Variants in ARSK observed in about 807,000 individuals in gnomAD.
ARSK encodes the protein arylsulfatase family member K, also known as arylsulfatase K.
In ARSK, 37 loss-of-function variants were observed where a neutral mutation model predicts 53.2. The ratio of observed to expected loss-of-function variants is 0.70; its 90% CI spans 0.54 to 0.92. The LOEUF (loss-of-function observed/expected upper bound fraction) is 0.92, where lower values mean the gene tolerates loss of function less well. Ranked by LOEUF, ARSK falls within the 40% of genes least tolerant of loss-of-function variation. The probability of loss-of-function intolerance (pLI) is 0.00; values close to 1 mark genes in which losing one functional copy is unlikely to be tolerated. For synonymous variants in ARSK, 208 were observed against 223.2 expected, an observed-to-expected ratio of 0.93 and a Z score of 0.61; for missense variants, 613 against 643.0, an observed-to-expected ratio of 0.95 and a Z score of 0.51.
At chr5:95,569,587 C>T (rs1748788500) in intron 3 of ARSK, among the ~76,000 whole-genome samples, 1 of 152,136 alleles carries the variant, frequency 6.6e-6, no homozygotes, top group South Asian at 2.1e-4. Flanking sequence ...CCAGGAGTCA[C>T]CATAAGTTAG....
chr5:95,561,698 A>G, intron 1 of ARSK, among the ~76,000 whole-genome samples: 1 of 152,224 alleles, frequency 6.6e-6, no homozygotes, highest in Non-Finnish European at 1.5e-5. Flanking sequence ...AAAAGCAAAC[A>G]TAGAGCCGGA....
At chr5:95,585,870 G>A (rs570698529) in intron 4 of ARSK, among the ~76,000 whole-genome samples, 3 of 152,210 alleles carry the variant, frequency 2.0e-5, no homozygotes, top group Admixed American at 2.0e-4. Context: ...CTATTTTAAA[G>A]AAAATAATGC....
At chr5:95,562,296 T>C (rs1010347609) in intron 1 of ARSK, among the ~76,000 whole-genome samples, 1 of 152,216 alleles carries the variant, frequency 6.6e-6, no homozygotes, top group African/African-American at 2.4e-5. Context: ...AGGCATCTTC[T>C]GCATCCCCAC....
chr5:95,580,942 G>A (rs1419084463), intron 3 of ARSK: 1 of 1,285,524 alleles, frequency 7.8e-7, no homozygotes, highest in Middle Eastern at 2.3e-4. Context: ...GTTTGAGAAA[G>A]GTAAAAATAC....
Position 95,595,671 on chromosome 5 carries a change from G to A in ARSK, c.1096+4046G>A, listed in dbSNP as rs111528367. Among the ~76,000 whole-genome samples, 1,474 of 152,104 alleles carry A rather than the reference G, an allele frequency of 9.7e-3. 31 individuals carry two copies. The highest frequency in any genetic ancestry group is 0.01 in the Non-Finnish European group (694 of 67,978). On this transcript the variant is annotated intron_variant, in intron 6 of 7. Transcript: ENST00000380009. ...AAGAAACACTGGGGACTACTAGAAG[G>A]GAGAGGGAGGGAGGGAGGGGGCCAG...
At chr5:95,559,488 A>G (rs1439227927) in intron 1 of ARSK, among the ~76,000 whole-genome samples, 1 of 152,220 alleles carries the variant, frequency 6.6e-6, no homozygotes, top group East Asian at 1.9e-4. Flanking sequence ...AGGAAACCAA[A>G]TTCATTAGTA....
intron 5 of ARSK, among the ~76,000 whole-genome samples, chr5:95,590,981 C>A (rs560699521): frequency 2.6e-4 from 39 of 152,318 alleles, no homozygotes; most frequent in African/African-American, 9.4e-4. Context: ...CTGCTCTTAT[C>A]ACTTCCTGTT....
intron 7 of ARSK, among the ~76,000 whole-genome samples, chr5:95,602,085 T>C (rs1348055921): frequency 1.3e-5 from 2 of 152,162 alleles, no homozygotes; most frequent in African/African-American, 4.8e-5. Context: ...TCATTTTACC[T>C]GAACCAGCAT....
chr5:95,593,324 A>G (rs1040893982), intron 6 of ARSK, among the ~76,000 whole-genome samples: 6 of 152,182 alleles, frequency 3.9e-5, no homozygotes, highest in Admixed American at 6.5e-5. Flanking sequence ...GTATATTTCA[A>G]AGTGATAGTT....
At chr5:95,582,264 TAAAG>T (rs1171017416) in intron 3 of ARSK, among the ~76,000 whole-genome samples, 2 of 152,062 alleles carry the variant, frequency 1.3e-5, no homozygotes, top group African/African-American at 4.8e-5. Flanking sequence ...TCAGATAAAA[TAAAG>T]ATTTAGAGAA....
Position 95,600,883 on chromosome 5 carries a change from G to A in ARSK, c.1133G>A (p.Gly378Glu), listed in dbSNP as rs1040802422. The change falls in exon 7 of 8, where the codon GGA (glycine) becomes GAA (glutamate). Residue 378 changes from glycine to glutamate, a missense_variant. Physicochemically the swap from Gly to Glu is moderately conservative, Grantham distance 98. Coordinates refer to ENST00000380009, the MANE Select transcript of ARSK (RefSeq NM_198150.3). Reference sequence around the variant, plus strand: ...ATTCCTCTGCCTCAGAACCTGAGTGGATACTCTTTGTTGCCGTTATCATCA... The same window carrying A: ...ATTCCTCTGCCTCAGAACCTGAGTGAATACTCTTTGTTGCCGTTATCATCA... ...AGIPLPQNLSGYSLLPLSSET... is the reference protein window; with the variant it reads ...AGIPLPQNLSEYSLLPLSSET... 2 of 1,613,892 alleles carry A rather than the reference G, an allele frequency of 1.2e-6. No homozygotes were observed. Among genetic ancestry groups the A allele is most frequent in the Non-Finnish European group, 1.7e-6 (2 of 1,179,934 alleles).
chr5:95,573,303 T>C (rs1748866853), intron 3 of ARSK, among the ~76,000 whole-genome samples: 1 of 152,202 alleles, frequency 6.6e-6, no homozygotes, highest in African/African-American at 2.4e-5. Flanking sequence ...GTAATTGATT[T>C]TATACGGAAA....
intron 2 of ARSK, among the ~76,000 whole-genome samples, chr5:95,566,550 AT>A (rs1411540016): frequency 4.6e-5 from 7 of 152,034 alleles, no homozygotes. Context: ...ATTTACCTGA[AT>A]TTTTTCTTAT....
intron 1 of ARSK, among the ~76,000 whole-genome samples, chr5:95,558,816 C>T (rs1263938968): frequency 1.3e-5 from 2 of 152,126 alleles, no homozygotes; most frequent in Non-Finnish European, 2.9e-5. Flanking sequence ...ATCTACTCTT[C>T]CAAAAATTAG....
chr5:95,569,114 TC>T (rs1332089402), intron 3 of ARSK, among the ~76,000 whole-genome samples: 1 of 152,172 alleles, frequency 6.6e-6, no homozygotes, highest in Non-Finnish European at 1.5e-5. Flanking sequence ...GTATTCTGGG[TC>T]CTGCAATTCC....
At chr5:95,563,224 T>C (rs989084351) in intron 1 of ARSK, among the ~76,000 whole-genome samples, 3 of 152,254 alleles carry the variant, frequency 2.0e-5, no homozygotes, top group Non-Finnish European at 2.9e-5. Flanking sequence ...ATTTCTGATA[T>C]TGAGAATATG....
At chr5:95,585,716 G>A (rs1458943847) in intron 4 of ARSK, among the ~76,000 whole-genome samples, 3 of 152,110 alleles carry the variant, frequency 2.0e-5, no homozygotes, top group Non-Finnish European at 2.9e-5. Context: ...TGGGTACAGT[G>A]TATACTGCTT....
intron 6 of ARSK, among the ~76,000 whole-genome samples, chr5:95,597,900 A>G (rs6874802): frequency 7.4e-6 from 1 of 135,600 alleles, no homozygotes; most frequent in African/African-American, 3.1e-5. Flanking sequence ...CCTCAAAAAA[A>G]AAAAGTGGGG....
intron 5 of ARSK, 40 bp from the exon 6 acceptor site, chr5:95,591,361 A>G (rs1749210932): frequency 6.6e-7 from 1 of 1,514,828 alleles, no homozygotes; most frequent in Non-Finnish European, 9.2e-7. Context: ...TAAAACATGA[A>G]CTGAAAGTTT....
Sources: gnomAD v4.1 joint callset for allele counts (sites outside exome capture counted in the v4.1 genomes callset) on GRCh38, gnomAD v4.1.1 for gene constraint, MANE v1.5 for transcripts, NCBI Gene and HGNC (gene_info 2026-07-23, HGNC 2026-07-21) for gene names.